The following DSCAML1 variants were observed in gnomAD, a reference collection of about 807,000 sequenced individuals.
DSCAML1 encodes DS cell adhesion molecule like 1, also known as cell adhesion molecule DSCAML1.
DSCAML1 carries 38 observed loss-of-function variants against 200.5 expected under a neutral mutation model. That is an observed-to-expected ratio of 0.19 (90% CI 0.15 to 0.25). The LOEUF is 0.25. Ranked by LOEUF, DSCAML1 falls within the 10% of genes least tolerant of loss-of-function variation. The pLI is 1.00. For missense variants in DSCAML1, 2,223 were observed against 2,858.8 expected (o/e 0.78, Z 5.07); for synonymous variants, 1,215 against 1,165.0 (o/e 1.04, Z -0.87).
intron 3 of DSCAML1, among the ~76,000 whole-genome samples, chr11:117,727,014 T>C (rs2054143984): frequency 6.6e-6 from 1 of 152,172 alleles, no homozygotes; most frequent in Admixed American, 6.5e-5. Flanking sequence ...CTTAAGTGTG[T>C]ACTGTGTGCC....
chr11:117,445,836 C>T (rs957768432), intron 20 of DSCAML1, among the ~76,000 whole-genome samples: 1 of 152,170 alleles, frequency 6.6e-6, no homozygotes, highest in Non-Finnish European at 1.5e-5. Context: ...GGGCGCTTTC[C>T]TTTTAACCTG....
intron 1 of DSCAML1, among the ~76,000 whole-genome samples, chr11:117,786,333 G>C (rs538005347): frequency 6.6e-6 from 1 of 152,310 alleles, no homozygotes; most frequent in Non-Finnish European, 1.5e-5. Flanking sequence ...GCACCACCCC[G>C]ATGCTGTGTT....
At chr11:117,640,595 A>G (rs753277846) in intron 3 of DSCAML1, among the ~76,000 whole-genome samples, 1 of 152,224 alleles carries the variant, frequency 6.6e-6, no homozygotes, top group Non-Finnish European at 1.5e-5. Context: ...GTAAACTGTC[A>G]GAAAATCCCA....
intron 3 of DSCAML1, among the ~76,000 whole-genome samples, chr11:117,654,722 A>C (rs901824683): frequency 6.6e-5 from 10 of 152,208 alleles, no homozygotes; most frequent in South Asian, 2.1e-4. Context: ...CTAAGAGATC[A>C]ATCCAGAACA....
rs978218977 is a variant in DSCAML1, at chr11:117,428,298, G to A, written c.*30C>T. On this transcript the variant is annotated 3_prime_UTR_variant, in exon 33 of 33. Coordinates refer to ENST00000651296, the MANE Select transcript of DSCAML1 (RefSeq NM_020693.4). The stretch of plus-strand genomic sequence containing the variant: ...GCGTGTGGGGCTGCGGCGCGGCGCG[G>A]TCCAGGCGTGGCTGCTCTTCCTGCG... 6.3e-6 allele frequency: 8 copies of A among 1,277,524 alleles called. No individual in the cohort carries two copies. Among genetic ancestry groups the A allele is most frequent in the Non-Finnish European group, 9.0e-6 (8 of 889,832 alleles). The allele number at this position is 1,277,524 out of a possible 1,614,324, so 79.1% of individuals were successfully genotyped here. A position where few individuals can be genotyped will look rare whatever the true frequency, so the allele number is the denominator to read the frequency against.
intron 3 of DSCAML1, chr11:117,612,017 G>GAC (rs146336207): frequency 0.011 from 1,610 of 150,636 alleles, 18 homozygotes; most frequent in African/African-American, 0.027. Flanking sequence ...CACACACAGA[G>GAC]ACACACACAC....
intron 3 of DSCAML1, among the ~76,000 whole-genome samples, chr11:117,753,830 C>T (rs1353925433): frequency 6.6e-6 from 1 of 152,106 alleles, no homozygotes; most frequent in East Asian, 1.9e-4. Flanking sequence ...TTCTAGAGGC[C>T]CTGGTTCTAG....
At chr11:117,807,891 G>A (rs569104322) in intron 1 of DSCAML1, among the ~76,000 whole-genome samples, 6 of 152,196 alleles carry the variant, frequency 3.9e-5, no homozygotes, top group African/African-American at 1.4e-4. Context: ...GCGTGGTCTC[G>A]GCTCACTGCA....
chr11:117,716,432 G>T (rs2053953266), intron 3 of DSCAML1, among the ~76,000 whole-genome samples: 1 of 152,174 alleles, frequency 6.6e-6, no homozygotes, highest in Non-Finnish European at 1.5e-5. Context: ...TTTGGGTTTT[G>T]CTCTTTAAAA....
chr11:117,607,546 A>G (rs2051593276), intron 3 of DSCAML1, among the ~76,000 whole-genome samples: 1 of 152,226 alleles, frequency 6.6e-6, no homozygotes, highest in Non-Finnish European at 1.5e-5. Context: ...GACTAGCTAC[A>G]GAGGTGCAGG....
intron 3 of DSCAML1, among the ~76,000 whole-genome samples, chr11:117,681,396 T>C (rs1341532039): frequency 2.0e-5 from 3 of 152,180 alleles, no homozygotes; most frequent in Non-Finnish European, 4.4e-5. Flanking sequence ...AGCATTCCTA[T>C]GTGCTTTGGG....
At chr11:117,690,074 G>A (rs951293185) in intron 3 of DSCAML1, among the ~76,000 whole-genome samples, 1 of 152,174 alleles carries the variant, frequency 6.6e-6, no homozygotes, top group Non-Finnish European at 1.5e-5. Context: ...GTTTCCAAAA[G>A]CCAGAGACTA....
At chr11:117,718,141 G>A (rs1192569086) in intron 3 of DSCAML1, among the ~76,000 whole-genome samples, 1 of 152,246 alleles carries the variant, frequency 6.6e-6, no homozygotes, top group African/African-American at 2.4e-5. Context: ...AAAATTGAGT[G>A]ATAATAGCCT....
intron 3 of DSCAML1, among the ~76,000 whole-genome samples, chr11:117,684,776 T>C (rs1473474304): frequency 6.6e-6 from 1 of 152,234 alleles, no homozygotes; most frequent in Non-Finnish European, 1.5e-5. Context: ...AGGTGTTGAG[T>C]GGAGTCTGAC....
At chr11:117,675,264 G>A (rs139097667) in intron 3 of DSCAML1, among the ~76,000 whole-genome samples, 114 of 152,122 alleles carry the variant, frequency 7.5e-4, no homozygotes, top group African/African-American at 2.6e-3. Context: ...ACCATGGCTC[G>A]GAACATTTTC....
chr11:117,432,094 G>A (rs2047812233), intron 30 of DSCAML1, among the ~76,000 whole-genome samples: 1 of 152,164 alleles, frequency 6.6e-6, no homozygotes, highest in African/African-American at 2.4e-5. Flanking sequence ...GACCCTTGGA[G>A]AACACGAATA....
At chr11:117,632,739 C>T (rs934764373) in intron 3 of DSCAML1, among the ~76,000 whole-genome samples, 7 of 152,238 alleles carry the variant, frequency 4.6e-5, no homozygotes, top group Non-Finnish European at 7.4e-5. Flanking sequence ...GGTCAGTTGC[C>T]CTGGAAGGGC....
At chr11:117,464,098 T>G (rs544811674) in intron 17 of DSCAML1, among the ~76,000 whole-genome samples, 2 of 152,316 alleles carry the variant, frequency 1.3e-5, no homozygotes, top group South Asian at 4.1e-4. Context: ...GGAAATATCA[T>G]TCTGCCCTCC....
At chr11:117,672,611 C>T (rs1408435289) in intron 3 of DSCAML1, among the ~76,000 whole-genome samples, 4 of 152,300 alleles carry the variant, frequency 2.6e-5, no homozygotes, top group South Asian at 2.1e-4. Flanking sequence ...GCATCCAGGG[C>T]GAGCCTATGA....
Sources: allele counts gnomAD v4.1 joint callset (sites outside exome capture counted in the v4.1 genomes callset), GRCh38; gene constraint gnomAD v4.1.1; transcripts MANE v1.5; gene names NCBI Gene and HGNC (gene_info 2026-07-23, HGNC 2026-07-21).